The following USP42 variants were observed in gnomAD, a reference collection of about 807,000 sequenced individuals.
USP42 encodes the protein ubiquitin specific peptidase 42, also known as ubiquitin carboxyl-terminal hydrolase 42.
Under a neutral mutation model 113.0 loss-of-function variants are expected in USP42, and 23 were observed. That is an observed-to-expected ratio of 0.20 (90% CI 0.15 to 0.29). USP42 has a LOEUF of 0.29. USP42 is among the 10% of genes least tolerant of loss of function. The pLI, the probability that USP42 is intolerant of heterozygous loss-of-function variation, is 1.00. For missense variants in USP42, 2,174 were observed against 1,779.8 expected, an observed-to-expected ratio of 1.22 and a Z score of -3.99; for synonymous variants, 933 against 699.0, an observed-to-expected ratio of 1.33 and a Z score of -5.28.
In USP42 at chr7:6,154,540, C is replaced by A; in HGVS notation, c.2986C>A (p.Pro996Thr). The change falls in exon 15 of 18, where the codon CCG becomes ACG. Residue 996 changes from proline (P) to threonine (T), a missense_variant. Transcript: ENST00000306177. ...RERDRQDRHAPEHHPGHGDRL... is the reference protein window; with the variant it reads ...RERDRQDRHATEHHPGHGDRL... ...GCGCGACCGCCAGGACCGCCACGCC[C>A]CGGAGCACCACCCCGGCCACGGCGA... The A allele has an allele frequency of 6.5e-7, 1 of 1,545,884 alleles. No homozygotes were observed. The highest frequency in any genetic ancestry group is 8.7e-7 in the Non-Finnish European group (1 of 1,146,596).
intron 7 of USP42, among the ~76,000 whole-genome samples, chr7:6,142,507 C>T (rs1414026178): frequency 2.0e-5 from 3 of 152,160 alleles, no homozygotes; most frequent in East Asian, 1.9e-4. Context: ...TGAGCCACCA[C>T]GCCCGCCCGG....
Position 6,154,454 on chromosome 7 carries a change from G to A in USP42, c.2900G>A (p.Arg967Lys), listed in dbSNP as rs565905092. 2.7e-5 allele frequency: 42 copies of A among 1,563,764 alleles called. 1 individual carries two copies. The South Asian group carries it at 4.9e-4, about 18-fold the overall frequency. Residue 967 changes from arginine (R) to lysine (K), a missense_variant, in exon 15 of 18, where the codon AGA becomes AAA. By Grantham distance (26) the Arg-to-Lys change is conservative (BLOSUM62 2). Coordinates refer to ENST00000306177, the MANE Select transcript of USP42 (RefSeq NM_032172.3). ...RERSSSGEPA[R>K]ESRSKTEGHR... ...CGCTCGTCCAGCGGGGAGCCCGCCA[G>A]AGAGAGCAGGAGCAAGACTGAGGGC...
At chr7:6,097,908 T>TC in the USP42 span, among the ~76,000 whole-genome samples, 1 of 29,014 alleles carries the variant, frequency 3.4e-5, no homozygotes, top group Non-Finnish European at 5.0e-5. Flanking sequence ...CTTTCTTTTC[T>TC]TTTTTTTTTT....
Position 6,159,567 on chromosome 7 carries a change from T to G in USP42, c.*36+74T>G. On this transcript the variant is annotated intron_variant, in intron 17 of 17. Transcript: ENST00000306177. The surrounding 1 kb of genome is among the most constrained non-coding windows in gnomAD (Gnocchi z 4.1). ...GGGACGCAGGCAGAGGAGTTTTAAT[T>G]CTGCGGCTCTGCCTGGGGGCTGGGC... The G allele has an allele frequency of 1.4e-6, 2 of 1,441,936 alleles. No individual in the cohort carries two copies. Among genetic ancestry groups the G allele is most frequent in the South Asian group, 2.4e-5 (2 of 83,916 alleles). 89.3% of individuals were successfully genotyped at this position (1,441,936 alleles called of 1,614,324 possible).
upstream of USP42, among the ~76,000 whole-genome samples, chr7:6,104,673 C>T (rs1779148838): frequency 6.6e-6 from 1 of 152,160 alleles, no homozygotes; most frequent in African/African-American, 2.4e-5. Context: ...GGCGCGCAGA[C>T]GCGCGACCAG....
rs1353258936 is a variant in USP42 at position 6,161,196 on chromosome 7, TTC to T, written c.*680_*681del. ...ATGATTTGTAAAGCCGACAGTATGTTTCTATTACACAACACTTTTTGATACAG... is the reference window on the plus strand; with the variant it reads ...ATGATTTGTAAAGCCGACAGTATGTTTATTACACAACACTTTTTGATACAG... On this transcript the variant is annotated 3_prime_UTR_variant, in exon 18 of 18. Coordinates refer to ENST00000306177, the MANE Select transcript of USP42 (RefSeq NM_032172.3). 6.5e-6 allele frequency: 1 copy of T among 152,676 alleles called. No homozygotes were observed. Among genetic ancestry groups the T allele is most frequent in the African/African-American group, 2.4e-5 (1 of 41,470 alleles). 9.5% of individuals were successfully genotyped at this position (152,676 alleles called of 1,614,324 possible). A position where few individuals can be genotyped will look rare whatever the true frequency, so the allele number is the denominator to read the frequency against.
the USP42 span, among the ~76,000 whole-genome samples, chr7:6,086,447 C>T: frequency 9.2e-4 from 138 of 150,704 alleles, 1 homozygote; most frequent in Middle Eastern, 3.5e-3. Context: ...CATCATGATC[C>T]GCCCACCTCG....
intron 9 of USP42, among the ~76,000 whole-genome samples, 153 bp from the exon 10 acceptor site, chr7:6,145,363 G>GT (rs539170977): frequency 6.6e-6 from 1 of 152,138 alleles, no homozygotes; most frequent in Non-Finnish European, 1.5e-5. Flanking sequence ...AATGCACTAG[G>GT]TTTTTTAAAT....
At chr7:6,133,441 C>G (rs2128497516) in intron 3 of USP42, among the ~76,000 whole-genome samples, 1 of 152,278 alleles carries the variant, frequency 6.6e-6, no homozygotes, top group Admixed American at 6.5e-5. Context: ...TAATGAATAT[C>G]TTCAAGTTCA....
chr7:6,152,985 T>G (rs572701246), intron 14 of USP42: 2 of 985,248 alleles, frequency 2.0e-6, no homozygotes, highest in South Asian at 9.4e-5. Context: ...ACTAGAGGAA[T>G]TGCGGCCAGG....
chr7:6,146,061 C>T lies in USP42; in HGVS notation c.1132-87C>T, dbSNP rs890808945. On this transcript the variant is annotated intron_variant, in intron 10 of 17. Coordinates refer to ENST00000306177, the MANE Select transcript of USP42 (RefSeq NM_032172.3). Reference sequence around the variant, plus strand: ...TGGGTGACAGAGTGAGACTCCATCTCAAAAAAAAAGAAAGAAATATTTCTC... The same window carrying T: ...TGGGTGACAGAGTGAGACTCCATCTTAAAAAAAAAGAAAGAAATATTTCTC... The T allele has an allele frequency of 7.2e-5, 77 of 1,072,644 alleles. No homozygotes were observed. The Middle Eastern group carries it at 1.7e-3, about 24-fold the overall frequency. The allele number at this position is 1,072,644 out of a possible 1,614,324, so 66.4% of individuals were successfully genotyped here.
Position 6,147,768 on chromosome 7 carries a change from T to A in USP42, c.1262T>A (p.Leu421His), listed in dbSNP as rs757444090. The change falls in exon 12 of 18, where the codon CTT becomes CAT. Residue 421 changes from leucine to histidine, a missense_variant. Physicochemically the swap from Leu to His is moderately conservative, Grantham distance 99. Coordinates refer to ENST00000306177, the MANE Select transcript of USP42 (RefSeq NM_032172.3). Reference sequence around the variant, plus strand: ...CATGATGTGAAAAATGGAGGTGAACTTACTCATCCCACCCATAGCCCCGGC... The same window carrying A: ...CATGATGTGAAAAATGGAGGTGAACATACTCATCCCACCCATAGCCCCGGC... ...RSHDVKNGGE[L>H]THPTHSPGQS... The A allele has an allele frequency of 1.6e-5, 25 of 1,594,216 alleles. No individual in the cohort carries two copies. The South Asian group carries it at 2.6e-4, about 16-fold the overall frequency.
intron 11 of USP42, among the ~76,000 whole-genome samples, chr7:6,146,870 A>C (rs1583663997): frequency 6.6e-6 from 1 of 152,276 alleles, no homozygotes; most frequent in African/African-American, 2.4e-5. Context: ...CAATGAGTGG[A>C]GACCTCAGGA....
chr7:6,110,558 C>G (rs573525927), intron 1 of USP42, among the ~76,000 whole-genome samples: 21 of 152,088 alleles, frequency 1.4e-4, no homozygotes, highest in African/African-American at 5.1e-4. Flanking sequence ...ATAAATGAGC[C>G]TCTTCAGAAA....
chr7:6,112,614 A>T (rs918377092), intron 2 of USP42, among the ~76,000 whole-genome samples: 4 of 152,196 alleles, frequency 2.6e-5, no homozygotes, highest in Non-Finnish European at 5.9e-5. Flanking sequence ...GAAGATTTGA[A>T]ATACAATAGA....
rs200142164 is a variant in USP42 at position 6,149,599 on chromosome 7, A to G, written c.1403A>G (p.Asn468Ser). 1.3e-4 allele frequency: 204 copies of G among 1,612,766 alleles called. No homozygotes were observed. The highest frequency in any genetic ancestry group is 1.4e-5 in the Non-Finnish European group (16 of 1,179,080). The change falls in exon 13 of 18, where the codon AAT becomes AGT. Residue 468 changes from asparagine (N) to serine (S), a missense_variant. Transcript: ENST00000306177. Reference protein sequence around the residue: ...SHMIKNPPHLNGTGPLKDTPS... With the variant: ...SHMIKNPPHLSGTGPLKDTPS... ...TACTTCCAGAATCCACCTCACTTAA[A>G]TGGGACTGGACCATTGAAAGACACG...
At position 6,154,854 on chromosome 7, in the gene USP42, T is replaced by C. The variant is rs568128476; in HGVS notation, c.3300T>C (p.Arg1100=). 4.2e-3 allele frequency: 6,409 copies of C among 1,532,630 alleles called. 137 individuals are homozygous for C. The South Asian group carries it at 0.049, about 12-fold the overall frequency. The allele number at this position is 1,532,630 out of a possible 1,614,324, so 94.9% of individuals were successfully genotyped here. The change falls in exon 15 of 18, where the codon CGT becomes CGC. Residue 1100 remains arginine (R), a synonymous_variant. Transcript: ENST00000306177. Reference sequence around the variant, plus strand: ...CGCACAAGGACCACAACCGGGGCCGTAGGGGCTGCGAGCCGGCCCGGGAGA... The same window carrying C: ...CGCACAAGGACCACAACCGGGGCCGCAGGGGCTGCGAGCCGGCCCGGGAGA... ...ERPHKDHNRG[R]RGCEPARERE...
At chr7:6,149,255 CCCAA>C (rs1334017400) in intron 12 of USP42, among the ~76,000 whole-genome samples, 1 of 152,152 alleles carries the variant, frequency 6.6e-6, no homozygotes, top group African/African-American at 2.4e-5. Context: ...TCCCAGGAAA[CCCAA>C]CCAGGTAGCA....
At chr7:6,115,200 T>C in intron 2 of USP42, 123 bp from the exon 3 acceptor site, 1 of 913,228 alleles carries the variant, frequency 1.1e-6, no homozygotes, top group Non-Finnish European at 1.7e-6. Context: ...CCCCCTGTAT[T>C]TCAGGTAGGC....
Sources: gnomAD v4.1 joint callset for allele counts (sites outside exome capture counted in the v4.1 genomes callset) on GRCh38, gnomAD v4.1.1 for gene constraint, Gnocchi (gnomAD v3.1) non-coding constraint, MANE v1.5 for transcripts, NCBI Gene and HGNC (gene_info 2026-07-23, HGNC 2026-07-21) for gene names.